The following PXK variants were observed in gnomAD, a reference collection of about 807,000 sequenced individuals.
The protein encoded by PXK is PX domain containing serine/threonine kinase like.
In PXK, 35 loss-of-function variants were observed where a neutral mutation model predicts 84.7. The ratio of observed to expected loss-of-function variants is 0.41; its 90% CI spans 0.32 to 0.55. The LOEUF (loss-of-function observed/expected upper bound fraction) is 0.55, where lower values mean the gene tolerates loss of function less well. Ranked by LOEUF, PXK falls within the 20% of genes least tolerant of loss-of-function variation. PXK has a pLI of 0.21. For missense variants in PXK, 634 were observed against 699.7 expected, an observed-to-expected ratio of 0.91 and a Z score of 1.06; for synonymous variants, 253 against 260.8, an observed-to-expected ratio of 0.97 and a Z score of 0.29.
At chr3:58,357,592 A>G (rs1214484792) in intron 1 of PXK, among the ~76,000 whole-genome samples, 2 of 152,252 alleles carry the variant, frequency 1.3e-5, no homozygotes, top group African/African-American at 4.8e-5. Flanking sequence ...TTGCGCTATA[A>G]TGTTAAGACA....
At chr3:58,417,360 A>G (rs1477734890) in intron 17 of PXK, among the ~76,000 whole-genome samples, 1 of 152,234 alleles carries the variant, frequency 6.6e-6, no homozygotes. Context: ...ATCGGTTGTA[A>G]GCACATTTAT....
chr3:58,399,314 C>T lies in PXK; in HGVS notation c.1118C>T (p.Ser373Phe). The T allele has an allele frequency of 6.2e-7, 1 of 1,614,136 alleles. No homozygotes were observed. Among genetic ancestry groups the T allele is most frequent in the Non-Finnish European group, 8.5e-7 (1 of 1,179,978 alleles). The change falls in exon 12 of 18, where the codon TCT becomes TTT. Residue 373 changes from serine (S) to phenylalanine (F), a missense_variant. Transcript: ENST00000356151. This position sits in a 1 kb window ranked among gnomAD's most constrained non-coding sequence, Gnocchi z 4.3. The stretch of plus-strand genomic sequence containing the variant: ...TCATTTCAAGTGGCCGTGTTGGAGT[C>T]TACGCTGTCTTGTGAAGCCTGTAAA... ...PSMAVVAVLESTLSCEACKNG... is the reference protein window; with the variant it reads ...PSMAVVAVLEFTLSCEACKNG...
At chr3:58,336,871 G>A (rs534670699) in intron 1 of PXK, among the ~76,000 whole-genome samples, 13 of 152,212 alleles carry the variant, frequency 8.5e-5, no homozygotes, top group Admixed American at 2.0e-4. Context: ...AGTGCAGGTC[G>A]CAATCTCAGC....
chr3:58,353,560 G>A (rs13060489), intron 1 of PXK, among the ~76,000 whole-genome samples: 9,788 of 152,216 alleles, frequency 0.064, 458 homozygotes, highest in Middle Eastern at 0.088. Flanking sequence ...GCAGAGCAAG[G>A]AGTAATCACT....
At chr3:58,415,899 G>A (rs1451670128) in intron 17 of PXK, among the ~76,000 whole-genome samples, 1 of 152,164 alleles carries the variant, frequency 6.6e-6, no homozygotes, top group Non-Finnish European at 1.5e-5. Context: ...GCTTAAAAGG[G>A]CGGGACATCT....
rs1171021563 is a variant in PXK, at chr3:58,336,071, A to ATT, written c.102+2998_102+2999dup. ...TATATATATATATATATATATATAT[A>ATT]TTTTTTTTTTTTTTTTTTAATACCA... On this transcript the variant is annotated intron_variant, in intron 1 of 17. Coordinates refer to ENST00000356151, the MANE Select transcript of PXK (RefSeq NM_017771.5). Among the ~76,000 whole-genome samples the ATT allele has an allele frequency of 8.3e-3, 428 of 51,516 alleles. 19 individuals carry two copies. The highest frequency in any genetic ancestry group is 0.014 in the Middle Eastern group (1 of 70). The allele number at this position is 51,516 out of a possible 152,430, so 33.8% of individuals were successfully genotyped here. A position where few individuals can be genotyped will look rare whatever the true frequency, so the allele number is the denominator to read the frequency against.
rs142611083 is a variant in PXK, at chr3:58,364,162, A to G, written c.103-1712A>G. 3.9e-5 allele frequency among the ~76,000 whole-genome samples: 6 copies of G among 152,214 alleles called. No homozygotes were observed. The East Asian group carries it at 1.2e-3, about 29-fold the overall frequency. On this transcript the variant is annotated intron_variant, in intron 1 of 17. Transcript: ENST00000356151. This position sits in a 1 kb window ranked among gnomAD's most constrained non-coding sequence, Gnocchi z 4.3. ...ACTAATATTTTGGTAAGGATTTTTG[A>G]GCCTATGTTTGTGAATGGTATTGAT...
At chr3:58,420,859 T>C in intron 17 of PXK, 1 of 1,219,530 alleles carries the variant, frequency 8.2e-7, no homozygotes, top group Non-Finnish European at 1.0e-6. Context: ...GGCATTTTGG[T>C]ATATTTTAAT....
chr3:58,391,882 A>G (rs757428989), intron 7 of PXK, 35 bp downstream of exon 7: 1 of 1,543,608 alleles, frequency 6.5e-7, no homozygotes, highest in South Asian at 1.1e-5. Flanking sequence ...CTCAGTGCTG[A>G]TGATAGAGTC....
chr3:58,336,723 A>G (rs2097620852), intron 1 of PXK, among the ~76,000 whole-genome samples: 2 of 152,186 alleles, frequency 1.3e-5, no homozygotes, highest in South Asian at 4.1e-4. Context: ...AGAGGAAACA[A>G]AGTTTTGGAA....
Position 58,409,020 on chromosome 3 carries a change from C to T in PXK, c.1308+19C>T, listed in dbSNP as rs116444022. ...GAAACAGGTAAATTGATAACGGTTCCTCTTTGCCTTTTAGTGTCCCCATCC... is the reference window on the plus strand; with the variant it reads ...GAAACAGGTAAATTGATAACGGTTCTTCTTTGCCTTTTAGTGTCCCCATCC... On this transcript the variant is annotated intron_variant, in intron 14 of 17. Transcript: ENST00000356151. This position sits in a 1 kb window ranked among gnomAD's most constrained non-coding sequence, Gnocchi z 4.2. 2,315 of 1,544,584 alleles carry T rather than the reference C, an allele frequency of 1.5e-3. 34 individuals are homozygous for T. The African/African-American group carries it at 0.028, about 18-fold the overall frequency.
chr3:58,336,053 ATATATATATATATATATATTTTT>A (rs1255056590), intron 1 of PXK, among the ~76,000 whole-genome samples: 25 of 61,232 alleles, frequency 4.1e-4, no homozygotes, highest in Admixed American at 1.1e-3. Flanking sequence ...ATATATATAT[ATATATATATATATATATATTTTT>A]TTTTTTTTTT....
intron 1 of PXK, among the ~76,000 whole-genome samples, chr3:58,349,132 G>A (rs948892317): frequency 8.6e-5 from 13 of 151,846 alleles, no homozygotes; most frequent in Non-Finnish European, 1.5e-4. Context: ...TACTAGGGAG[G>A]CTGAGGTGGG....
intron 1 of PXK, among the ~76,000 whole-genome samples, chr3:58,336,071 A>ATATATATTT (rs1284780630): frequency 1.9e-4 from 10 of 51,580 alleles, no homozygotes; most frequent in Admixed American, 2.8e-4. Flanking sequence ...ATATATATAT[A>ATATATATTT]TTTTTTTTTT....
In PXK at chr3:58,364,569, G is replaced by A. The variant is rs574845071; in HGVS notation, c.103-1305G>A. Among the ~76,000 whole-genome samples the A allele has an allele frequency of 6.6e-6, 1 of 152,084 alleles. No homozygotes were observed. Among genetic ancestry groups the A allele is most frequent in the African/African-American group, 2.4e-5 (1 of 41,398 alleles). ...TCCGCTAAAAACACAAAAATTAGCC[G>A]GGAACAGTGGCAGGCACCTGTAATC... On this transcript the variant is annotated intron_variant, in intron 1 of 17. Coordinates refer to ENST00000356151, the MANE Select transcript of PXK (RefSeq NM_017771.5). This position sits in a 1 kb window ranked among gnomAD's most constrained non-coding sequence, Gnocchi z 4.3.
chr3:58,357,468 G>A (rs1293362521), intron 1 of PXK, among the ~76,000 whole-genome samples: 1 of 152,114 alleles, frequency 6.6e-6, no homozygotes, highest in Non-Finnish European at 1.5e-5. Flanking sequence ...GGACCTGTCT[G>A]AGGCTGTTTT....
At position 58,399,147 on chromosome 3, in the gene PXK, C is replaced by A; in HGVS notation, c.1103-152C>A. On this transcript the variant is annotated intron_variant, in intron 11 of 17. Coordinates refer to ENST00000356151, the MANE Select transcript of PXK (RefSeq NM_017771.5). This position sits in a 1 kb window ranked among gnomAD's most constrained non-coding sequence, Gnocchi z 4.3. ...CCAGTGTTGCCAGCATTCCCCCACC[C>A]CACGTATGCCATCTGTCTGTGTGTG... The A allele has an allele frequency of 1.5e-6, 1 of 679,842 alleles. No individual in the cohort carries two copies. Among genetic ancestry groups the A allele is most frequent in the Non-Finnish European group, 2.7e-6 (1 of 372,010 alleles). 42.1% of individuals were successfully genotyped at this position (679,842 alleles called of 1,614,324 possible). A position where few individuals can be genotyped will look rare whatever the true frequency, so the allele number is the denominator to read the frequency against.
At position 58,397,721 on chromosome 3, in the gene PXK, G is replaced by C. The variant is rs763610950; in HGVS notation, c.1101G>C (p.Val367=). ...TCCCTCCTGCCCCGTCCATGGCTGT[G>C]GGTCAGTATGGGGTTGGGAAGGGTC... The part of the protein sequence containing the change: ...DSFPPAPSMA[V]VAVLESTLSC... Residue 367 remains valine (V), a splice_region_variant and synonymous_variant, in exon 11 of 18, where the codon GTG becomes GTC. Transcript: ENST00000356151. The surrounding 1 kb of genome is among the most constrained non-coding windows in gnomAD (Gnocchi z 4.7). 1.2e-6 allele frequency: 2 copies of C among 1,609,866 alleles called. No individual in the cohort carries two copies. The highest frequency in any genetic ancestry group is 1.7e-6 in the Non-Finnish European group (2 of 1,176,278).
At position 58,333,124 on chromosome 3, in the gene PXK, GGCGGCCCCGGGCCGCGA is replaced by G; in HGVS notation, c.102+36_102+52del. 1 of 1,077,546 alleles carries G rather than the reference GGCGGCCCCGGGCCGCGA, an allele frequency of 9.3e-7. No individual in the cohort carries two copies. Among genetic ancestry groups the G allele is most frequent in the Non-Finnish European group, 1.1e-6 (1 of 888,440 alleles). 66.7% of individuals were successfully genotyped at this position (1,077,546 alleles called of 1,614,324 possible). On this transcript the variant is annotated intron_variant, in intron 1 of 17. Coordinates refer to ENST00000356151, the MANE Select transcript of PXK (RefSeq NM_017771.5). This position sits in a 1 kb window ranked among gnomAD's most constrained non-coding sequence, Gnocchi z 5.4. ...CCCAGCGGGCGGGCGGGCGGCGTGG[GGCGGCCCCGGGCCGCGA>G]GGGGGCTGCGGGCTGCCTGGCGCGG...
Sources: allele counts gnomAD v4.1 joint callset (sites outside exome capture counted in the v4.1 genomes callset), GRCh38; gene constraint gnomAD v4.1.1; non-coding constraint Gnocchi (gnomAD v3.1); transcripts MANE v1.5; gene names NCBI Gene and HGNC (gene_info 2026-07-23, HGNC 2026-07-21).